Variants in SPTSSA observed in about 807,000 individuals in gnomAD.
The protein encoded by SPTSSA is small subunit of serine palmitoyltransferase A.
A neutral mutation model predicts 9.1 loss-of-function variants in SPTSSA; 8 were observed. The observed-to-expected ratio is 0.88, with a 90% CI of 0.51 to 1.58. The LOEUF (loss-of-function observed/expected upper bound fraction) is 1.58, where lower values mean the gene tolerates loss of function less well. Among genes scored for constraint, SPTSSA ranks in the 40% most tolerant of loss-of-function variants. The pLI, the probability that SPTSSA is intolerant of heterozygous loss-of-function variation, is 0.00. For missense variants in SPTSSA, 100 were observed against 93.8 expected, an observed-to-expected ratio of 1.07 and a Z score of -0.27; for synonymous variants, 42 against 37.7, an observed-to-expected ratio of 1.11 and a Z score of -0.41.
chr14:34,435,307 G>C lies in SPTSSA; in HGVS notation c.113-3C>G. ...CACAATGGAAACCAGCATGGAATCT[G>C]AGTTGTAGTTAAGGAAACTTATTAT... On this transcript the variant is annotated splice_region_variant and splice_polypyrimidine_tract_variant and intron_variant, in intron 1 of 1. Transcript: ENST00000298130. The C allele has an allele frequency of 6.2e-7, 1 of 1,601,956 alleles. No homozygotes were observed. The highest frequency in any genetic ancestry group is 8.5e-7 in the Non-Finnish European group (1 of 1,171,806).
intron 1 of SPTSSA, among the ~76,000 whole-genome samples, chr14:34,458,742 G>A (rs950548657): frequency 2.1e-5 from 3 of 145,032 alleles, no homozygotes; most frequent in South Asian, 2.2e-4. Context: ...CACCGCGCCC[G>A]GCCAAGATTG....
At chr14:34,448,924 T>C (rs1440381929) in intron 1 of SPTSSA, among the ~76,000 whole-genome samples, 1 of 151,966 alleles carries the variant, frequency 6.6e-6, no homozygotes. Context: ...CACTTGAGCC[T>C]GGGAGGTTGA....
chr14:34,452,259 A>G (rs2787444), intron 1 of SPTSSA, among the ~76,000 whole-genome samples: 29,592 of 151,238 alleles, frequency 0.2, 3,050 homozygotes, highest in South Asian at 0.31. Context: ...AAAAAAAAAA[A>G]AAAAAAGAAA....
At chr14:34,460,640 G>A (rs1398934524) in intron 1 of SPTSSA, among the ~76,000 whole-genome samples, 1 of 151,968 alleles carries the variant, frequency 6.6e-6, no homozygotes, top group African/African-American at 2.4e-5. Context: ...GATTTAAAGA[G>A]TTTCATTTTA....
At chr14:34,439,035 G>A (rs1480304109) in intron 1 of SPTSSA, among the ~76,000 whole-genome samples, 1 of 152,146 alleles carries the variant, frequency 6.6e-6, no homozygotes, top group Non-Finnish European at 1.5e-5. Context: ...ATTTATTGAG[G>A]GAATTTTATT....
At chr14:34,438,581 C>A (rs1883274847) in intron 1 of SPTSSA, among the ~76,000 whole-genome samples, 1 of 152,142 alleles carries the variant, frequency 6.6e-6, no homozygotes. Context: ...AAACTGAACT[C>A]ATTAACCTTC....
At chr14:34,435,433 TA>T (rs149717054) in intron 1 of SPTSSA, 129 bp from the exon 2 acceptor site, 72 of 562,784 alleles carry the variant, frequency 1.3e-4, no homozygotes, top group South Asian at 1.9e-4. Flanking sequence ...CAAGCACTGA[TA>T]AAAAAAACAA....
chr14:34,459,794 CAAAGA>C (rs1251591406), intron 1 of SPTSSA, among the ~76,000 whole-genome samples: 1 of 152,060 alleles, frequency 6.6e-6, no homozygotes, highest in African/African-American at 2.4e-5. Flanking sequence ...CACACACACA[CAAAGA>C]AAAGAAATCA....
At chr14:34,444,431 C>T (rs1042827996) in intron 1 of SPTSSA, among the ~76,000 whole-genome samples, 1 of 152,174 alleles carries the variant, frequency 6.6e-6, no homozygotes, top group Non-Finnish European at 1.5e-5. Flanking sequence ...CAGAATATAA[C>T]TTACCACGTT....
chr14:34,453,100 G>T (rs1030848146), intron 1 of SPTSSA, among the ~76,000 whole-genome samples: 1 of 151,938 alleles, frequency 6.6e-6, no homozygotes, highest in African/African-American at 2.4e-5. Flanking sequence ...TATGTTAATC[G>T]ACTGTTAATG....
intron 1 of SPTSSA, among the ~76,000 whole-genome samples, chr14:34,437,081 A>G (rs1883252734): frequency 6.6e-6 from 1 of 152,198 alleles, no homozygotes; most frequent in African/African-American, 2.4e-5. Flanking sequence ...GTCTCCACCA[A>G]ATCCAAAGGC....
intron 1 of SPTSSA, among the ~76,000 whole-genome samples, chr14:34,458,066 T>G (rs1187324452): frequency 6.6e-6 from 1 of 152,102 alleles, no homozygotes; most frequent in Admixed American, 6.5e-5. Context: ...CTTATAAATC[T>G]TACTGTTTCA....
intron 1 of SPTSSA, among the ~76,000 whole-genome samples, chr14:34,442,619 C>A (rs1217162919): frequency 1.3e-5 from 2 of 152,204 alleles, no homozygotes; most frequent in Admixed American, 1.3e-4. Flanking sequence ...TTGGCCCCAA[C>A]ATTGTTTGGA....
At chr14:34,451,756 T>C (rs112278441) in intron 1 of SPTSSA, among the ~76,000 whole-genome samples, 1,837 of 151,542 alleles carry the variant, frequency 0.012, 40 homozygotes, top group African/African-American at 0.042. Context: ...TAAAATGCTA[T>C]TTAACCTTAG....
chr14:34,442,890 T>C (rs889401431), intron 1 of SPTSSA, among the ~76,000 whole-genome samples: 2 of 152,162 alleles, frequency 1.3e-5, no homozygotes, highest in African/African-American at 4.8e-5. Context: ...CTTGTATTAT[T>C]ATCTCATGGC....
intron 1 of SPTSSA, among the ~76,000 whole-genome samples, chr14:34,452,461 A>T (rs992893980): frequency 6.6e-6 from 1 of 152,148 alleles, no homozygotes; most frequent in Non-Finnish European, 1.5e-5. Flanking sequence ...AGCAAGCAAA[A>T]TCCATTCTCT....
intron 1 of SPTSSA, among the ~76,000 whole-genome samples, chr14:34,444,802 T>C (rs1883391999): frequency 6.6e-6 from 1 of 151,132 alleles, no homozygotes; most frequent in Non-Finnish European, 1.5e-5. Context: ...CAATTAAGAC[T>C]ACCAGAAACA....
intron 1 of SPTSSA, among the ~76,000 whole-genome samples, chr14:34,460,592 A>G (rs893672936): frequency 2.6e-5 from 4 of 152,318 alleles, no homozygotes; most frequent in African/African-American, 9.6e-5. Context: ...TGTCAAATCT[A>G]TACTAGATTC....
chr14:34,435,401 C>T (rs1883224176), intron 1 of SPTSSA, 97 bp from the exon 2 acceptor site: 3 of 760,366 alleles, frequency 3.9e-6, no homozygotes, highest in South Asian at 4.1e-5. Context: ...TACCCATTCA[C>T]TTAGTGCTTT....
Sources: gnomAD v4.1 joint callset for allele counts (sites outside exome capture counted in the v4.1 genomes callset) on GRCh38, gnomAD v4.1.1 for gene constraint, MANE v1.5 for transcripts, NCBI Gene and HGNC (gene_info 2026-07-23, HGNC 2026-07-21) for gene names.